PTPRN2: variants seen among roughly 807,000 people sequenced by gnomAD.
PTPRN2 encodes the protein protein tyrosine phosphatase receptor type N2.
A neutral mutation model predicts 118.8 loss-of-function variants in PTPRN2; 74 were observed. That is an observed-to-expected ratio of 0.62 (90% CI 0.52 to 0.76). The LOEUF is 0.76. PTPRN2 is among the 30% of genes least tolerant of loss of function. The probability of loss-of-function intolerance (pLI) is 0.00; values close to 1 mark genes in which losing one functional copy is unlikely to be tolerated. For missense variants in PTPRN2, 1,481 were observed against 1,394.4 expected (o/e 1.06, Z -0.99); for synonymous variants, 641 against 608.0 (o/e 1.05, Z -0.80).
At chr7:157,689,343 G>A (rs1257587568) in intron 12 of PTPRN2, among the ~76,000 whole-genome samples, 3 of 152,206 alleles carry the variant, frequency 2.0e-5, no homozygotes, top group Non-Finnish European at 2.9e-5. Context: ...GGTGCCGGCC[G>A]GGACGCGCAG....
chr7:158,150,365 TA>T (rs1446454454), intron 6 of PTPRN2, among the ~76,000 whole-genome samples: 2 of 152,220 alleles, frequency 1.3e-5, no homozygotes, highest in African/African-American at 4.8e-5. Flanking sequence ...ACCAAGGGTG[TA>T]CCCCAGTCTC....
chr7:158,063,093 A>G (rs974929519), intron 11 of PTPRN2, among the ~76,000 whole-genome samples: 10 of 152,248 alleles, frequency 6.6e-5, no homozygotes, highest in African/African-American at 1.7e-4. Context: ...AAATACTCCA[A>G]TCAGCACTCT....
chr7:158,081,509 G>A (rs774145072), intron 10 of PTPRN2, 132 bp from the exon 11 acceptor site: 23 of 747,158 alleles, frequency 3.1e-5, no homozygotes, highest in East Asian at 1.1e-4. Flanking sequence ...TCCAGGCGTC[G>A]ACTCCACTGG....
chr7:158,165,183 A>G (rs940468467), intron 6 of PTPRN2, among the ~76,000 whole-genome samples: 2 of 27,206 alleles, frequency 7.4e-5, no homozygotes, highest in South Asian at 1.0e-3. Flanking sequence ...AGTACCCACG[A>G]AAGTGCAGGA....
At chr7:158,340,954 G>T (rs1419621513) in intron 2 of PTPRN2, among the ~76,000 whole-genome samples, 2 of 83,544 alleles carry the variant, frequency 2.4e-5, no homozygotes, top group African/African-American at 4.2e-5. Flanking sequence ...CACCATAAGA[G>T]CTGACGCCCG....
chr7:158,101,537 A>G (rs958315808), intron 10 of PTPRN2, among the ~76,000 whole-genome samples: 1 of 152,250 alleles, frequency 6.6e-6, no homozygotes, highest in Non-Finnish European at 1.5e-5. Context: ...TAAACTAAAA[A>G]GTTTCTGCAC....
At chr7:157,683,590 T>C (rs1395817484) in intron 12 of PTPRN2, among the ~76,000 whole-genome samples, 1 of 152,016 alleles carries the variant, frequency 6.6e-6, no homozygotes, top group Non-Finnish European at 1.5e-5. Flanking sequence ...CACCTACGTA[T>C]TTTTCCTTGA....
chr7:158,408,609 G>T (rs879714178), intron 2 of PTPRN2, among the ~76,000 whole-genome samples: 4 of 152,182 alleles, frequency 2.6e-5, no homozygotes, highest in Non-Finnish European at 5.9e-5. Flanking sequence ...CAAGCAATTT[G>T]ATGGGCTCAG....
intron 12 of PTPRN2, among the ~76,000 whole-genome samples, chr7:157,745,590 C>T (rs997552733): frequency 1.3e-4 from 20 of 152,098 alleles, no homozygotes; most frequent in African/African-American, 4.8e-4. Context: ...TATTTATCTC[C>T]CCAAAACGTC....
chr7:157,813,952 G>A lies in PTPRN2; in HGVS notation c.1788+84721C>T, dbSNP rs1219560714. Among the ~76,000 whole-genome samples, 7 of 152,260 alleles carry A rather than the reference G, an allele frequency of 4.6e-5. No homozygotes were observed. Among genetic ancestry groups the A allele is most frequent in the Admixed American group, 2.0e-4 (3 of 15,292 alleles). On this transcript the variant is annotated intron_variant, in intron 12 of 22. Transcript: ENST00000389418. This position sits in a 1 kb window ranked among gnomAD's most constrained non-coding sequence, Gnocchi z 4.7. ...CGCCGTGAGAGCCCCGACACAAGTC[G>A]CGGTTTGTGGTGCTTTGGAGGAGTT...
chr7:158,417,956 C>A (rs112622317), intron 2 of PTPRN2, among the ~76,000 whole-genome samples: 1 of 149,746 alleles, frequency 6.7e-6, no homozygotes, highest in Non-Finnish European at 1.5e-5. Flanking sequence ...TGTACTACAT[C>A]GAGATGCTCT....
chr7:158,187,419 T>G (rs1323995495), intron 5 of PTPRN2, among the ~76,000 whole-genome samples: 2 of 152,176 alleles, frequency 1.3e-5, no homozygotes, highest in Non-Finnish European at 2.9e-5. Context: ...CCAATTAAAA[T>G]ATTTCATCAG....
rs899998405 is a variant in PTPRN2 at position 157,635,126 on chromosome 7, G to C, written c.2197-13617C>G. The stretch of plus-strand genomic sequence containing the variant: ...TGAGTCAGTGCCATTGGTTCAGTGG[G>C]AAGAATCATGAGGACAAAGATGTAA... On this transcript the variant is annotated intron_variant, in intron 14 of 22. Coordinates refer to ENST00000389418, the MANE Select transcript of PTPRN2 (RefSeq NM_002847.5). Among the ~76,000 whole-genome samples, 44 of 152,250 alleles carry C rather than the reference G, an allele frequency of 2.9e-4. 1 individual carries two copies. The highest frequency in any genetic ancestry group is 1.1e-3 in the African/African-American group (44 of 41,468).
At chr7:158,105,597 C>T (rs1375495966) in intron 10 of PTPRN2, among the ~76,000 whole-genome samples, 6 of 151,828 alleles carry the variant, frequency 4.0e-5, no homozygotes, top group African/African-American at 1.5e-4. Context: ...TCCTATCCAT[C>T]CCTACTCCAT....
intron 12 of PTPRN2, among the ~76,000 whole-genome samples, chr7:157,832,965 G>T (rs2151163696): frequency 6.6e-6 from 1 of 152,352 alleles, no homozygotes; most frequent in African/African-American, 2.4e-5. Context: ...GATGTGGCTG[G>T]TGCCCATCCA....
intron 3 of PTPRN2, among the ~76,000 whole-genome samples, chr7:158,290,836 T>C (rs1431395571): frequency 4.6e-5 from 7 of 152,222 alleles, no homozygotes; most frequent in Non-Finnish European, 8.8e-5. Context: ...TGCACACAGA[T>C]AGATGTTCAA....
intron 2 of PTPRN2, among the ~76,000 whole-genome samples, chr7:158,449,657 C>A (rs970110344): frequency 3.3e-5 from 5 of 152,234 alleles, no homozygotes; most frequent in Non-Finnish European, 5.9e-5. Flanking sequence ...TCAGCCCTTA[C>A]TTCTTTGCCT....
intron 19 of PTPRN2, among the ~76,000 whole-genome samples, chr7:157,575,608 C>T (rs1799993593): frequency 6.6e-6 from 1 of 152,166 alleles, no homozygotes; most frequent in Non-Finnish European, 1.5e-5. Context: ...ATCTGTAATA[C>T]ACAAATTCAA....
intron 11 of PTPRN2, among the ~76,000 whole-genome samples, chr7:158,020,911 G>A (rs907493975): frequency 2.0e-5 from 3 of 152,148 alleles, no homozygotes; most frequent in South Asian, 4.1e-4. Flanking sequence ...AGGCTCCCCC[G>A]ACAGCCGGAG....
Sources: allele counts gnomAD v4.1 joint callset (sites outside exome capture counted in the v4.1 genomes callset), GRCh38; gene constraint gnomAD v4.1.1; non-coding constraint Gnocchi (gnomAD v3.1); transcripts MANE v1.5; gene names NCBI Gene and HGNC (gene_info 2026-07-23, HGNC 2026-07-21).